ATP11B: variants seen among roughly 807,000 people sequenced by gnomAD.
ATP11B encodes phospholipid-transporting ATPase IF.
Under a neutral mutation model 157.8 loss-of-function variants are expected in ATP11B, and 81 were observed. The ratio of observed to expected loss-of-function variants is 0.51; its 90% CI spans 0.43 to 0.62. The LOEUF (loss-of-function observed/expected upper bound fraction) is 0.62. Ranked by LOEUF, ATP11B falls within the 20% of genes least tolerant of loss-of-function variation. ATP11B has a pLI of 0.00. For synonymous variants in ATP11B, 451 were observed against 469.4 expected (o/e 0.96, Z 0.51); for missense variants, 1,165 against 1,402.2 (o/e 0.83, Z 2.70).
At chr3:182,908,191 A>ATTTTATTTT (rs1724508207) in intron 28 of ATP11B, among the ~76,000 whole-genome samples, 1 of 95,934 alleles carries the variant, frequency 1.0e-5, no homozygotes, top group Admixed American at 1.1e-4. Context: ...TCATATTATT[A>ATTTTATTTT]TTTTCTTTTT....
At chr3:182,888,481 A>G (rs979240332) in intron 24 of ATP11B, among the ~76,000 whole-genome samples, 2 of 152,176 alleles carry the variant, frequency 1.3e-5, no homozygotes, top group Non-Finnish European at 2.9e-5. Flanking sequence ...AGATAAATCA[A>G]CTTTTCAAAA....
chr3:182,903,209 CTATG>C (rs1312186217), intron 28 of ATP11B, among the ~76,000 whole-genome samples: 2 of 152,056 alleles, frequency 1.3e-5, no homozygotes, highest in African/African-American at 4.8e-5. Context: ...GATACTATAA[CTATG>C]TATTAAGTAT....
intron 10 of ATP11B, among the ~76,000 whole-genome samples, chr3:182,852,639 G>A (rs915333419): frequency 6.6e-6 from 1 of 152,210 alleles, no homozygotes; most frequent in Non-Finnish European, 1.5e-5. Context: ...CATGGTGCTA[G>A]AACAGGTGGA....
At chr3:182,826,432 A>G (rs1196607646) in intron 2 of ATP11B, among the ~76,000 whole-genome samples, 1 of 152,178 alleles carries the variant, frequency 6.6e-6, no homozygotes, top group Admixed American at 6.5e-5. Flanking sequence ...CCTTCCTTAT[A>G]AAGTATTATA....
chr3:182,848,182 C>T (rs541170269), intron 9 of ATP11B, among the ~76,000 whole-genome samples: 107 of 152,260 alleles, frequency 7.0e-4, no homozygotes, highest in Non-Finnish European at 1.2e-3. Flanking sequence ...TTTTATCTTT[C>T]CAGATTCTTT....
At chr3:182,819,514 C>T (rs1001597564) in intron 1 of ATP11B, among the ~76,000 whole-genome samples, 1 of 152,134 alleles carries the variant, frequency 6.6e-6, no homozygotes, top group African/African-American at 2.4e-5. Flanking sequence ...TCTTTTCTAC[C>T]AGAGGTGATT....
chr3:182,904,287 A>G (rs1724175523), intron 28 of ATP11B, among the ~76,000 whole-genome samples: 3 of 152,174 alleles, frequency 2.0e-5, no homozygotes. Flanking sequence ...ATCATAGAAG[A>G]GCAAAAAGAA....
At chr3:182,913,816 T>C in intron 28 of ATP11B, 45 bp from the exon 29 acceptor site, 4 of 1,613,724 alleles carry the variant, frequency 2.5e-6, no homozygotes, top group Non-Finnish European at 3.4e-6. Flanking sequence ...TTTTCAGAAG[T>C]CCATATCTTT....
At chr3:182,904,902 A>AG (rs1724229765) in intron 28 of ATP11B, among the ~76,000 whole-genome samples, 1 of 144,746 alleles carries the variant, frequency 6.9e-6, no homozygotes, top group African/African-American at 2.7e-5. Context: ...AAAAAAAAAA[A>AG]AAAAAAAAAA....
In ATP11B at chr3:182,800,877, C is replaced by A. The variant is rs1290111921; in HGVS notation, c.27+7091C>A. Among the ~76,000 whole-genome samples the A allele has an allele frequency of 4.1e-5, 6 of 146,808 alleles. No homozygotes were observed. In the East Asian group the frequency reaches 6.0e-4, roughly 15 times the overall value. Reference sequence around the variant, plus strand: ...CTCACTGCAACCTCCGCCCCCCACCCCCCCCAGCCCCGCCCAGATTCAGGT... The same window carrying A: ...CTCACTGCAACCTCCGCCCCCCACCACCCCCAGCCCCGCCCAGATTCAGGT... On this transcript the variant is annotated intron_variant, in intron 1 of 29. Coordinates refer to ENST00000323116, the MANE Select transcript of ATP11B (RefSeq NM_014616.3).
At chr3:182,896,660 A>G (rs777852980) in intron 25 of ATP11B, 40 bp from the exon 26 acceptor site, 1 of 1,515,846 alleles carries the variant, frequency 6.6e-7, no homozygotes, top group Non-Finnish European at 9.1e-7. Context: ...ATTTAACATT[A>G]TGTTAACACG....
chr3:182,914,712 GAAAA>G (rs1238569465), intron 29 of ATP11B: 1 of 984,196 alleles, frequency 1.0e-6, no homozygotes, highest in East Asian at 1.1e-4. Flanking sequence ...GCACCATAAC[GAAAA>G]AAAACACCTT....
chr3:182,878,056 G>A (rs1722168295), intron 19 of ATP11B, among the ~76,000 whole-genome samples: 3 of 152,158 alleles, frequency 2.0e-5, no homozygotes, highest in African/African-American at 7.2e-5. Context: ...GCCAAATAAA[G>A]TTTGGCCAAT....
intron 4 of ATP11B, 75 bp from the exon 5 acceptor site, chr3:182,835,960 G>GT (rs577427509): frequency 3.1e-5 from 40 of 1,298,922 alleles, no homozygotes; most frequent in East Asian, 5.0e-5. Context: ...AAGTTTTTGA[G>GT]TTTTTTTTCT....
chr3:182,814,342 GGCGTGAGCCACTGTGCCC>G, intron 1 of ATP11B, among the ~76,000 whole-genome samples: 1 of 152,084 alleles, frequency 6.6e-6, no homozygotes, highest in African/African-American at 2.4e-5. Context: ...TGAGATTACA[GGCGTGAGCCACTGTGCCC>G]AGCCTTTAGT....
intron 28 of ATP11B, among the ~76,000 whole-genome samples, chr3:182,901,242 A>G (rs962420327): frequency 2.6e-5 from 4 of 151,040 alleles, no homozygotes; most frequent in African/African-American, 9.7e-5. Flanking sequence ...ACACTCCTGT[A>G]GTCCCAGCTA....
intron 25 of ATP11B, among the ~76,000 whole-genome samples, chr3:182,890,586 ATAGAG>A (rs1156311576): frequency 6.6e-6 from 1 of 152,202 alleles, no homozygotes; most frequent in East Asian, 1.9e-4. Flanking sequence ...CCTTTACCTT[ATAGAG>A]TAGGGACATA....
In ATP11B at chr3:182,865,646, AT is replaced by A; in HGVS notation, c.1392del (p.Thr466GlnfsTer16). The A allele has an allele frequency of 6.2e-7, 1 of 1,613,542 alleles. No individual in the cohort carries two copies. The highest frequency in any genetic ancestry group is 2.2e-5 in the East Asian group (1 of 44,826). On this transcript the variant is annotated frameshift_variant, in exon 13 of 30. Transcript: ENST00000323116. LOFTEE classifies it high-confidence loss of function. Reference protein sequence around the residue: ...SSLSHLNNLSHLTTSSSFRTS... With the variant: ...SSLSHLNNLSXLTTSSSFRTS... The stretch of plus-strand genomic sequence containing the variant: ...TTATCCCATCTTAACAACTTATCCC[AT>A]CTTACAACCAGTTCCTCTTTCAGAA...
chr3:182,823,190 A>G (rs926277912), intron 2 of ATP11B, among the ~76,000 whole-genome samples: 1 of 152,188 alleles, frequency 6.6e-6, no homozygotes, highest in Non-Finnish European at 1.5e-5. Flanking sequence ...GTCCTTGCCC[A>G]TGCCTGTGTC....
Sources: allele counts gnomAD v4.1 joint callset (sites outside exome capture counted in the v4.1 genomes callset), GRCh38; gene constraint gnomAD v4.1.1; transcripts MANE v1.5; gene names NCBI Gene and HGNC (gene_info 2026-07-23, HGNC 2026-07-21).